The following GHR variants were observed in gnomAD, a reference collection of about 807,000 sequenced individuals.
GHR encodes the protein GH receptor.
A neutral mutation model predicts 67.1 loss-of-function variants in GHR; 35 were observed. The ratio of observed to expected loss-of-function variants is 0.52; its 90% confidence interval spans 0.40 to 0.69. The LOEUF (loss-of-function observed/expected upper bound fraction) is 0.69, where lower values mean the gene tolerates loss of function less well. Ranked by LOEUF, GHR falls within the 30% of genes least tolerant of loss-of-function variation. The pLI is 0.00. For missense variants in GHR, 792 were observed against 764.6 expected (o/e 1.04, Z -0.42); for synonymous variants, 272 against 269.1 (o/e 1.01, Z -0.10).
At chr5:42,426,958 G>T (rs1278590886) in intron 1 of GHR, among the ~76,000 whole-genome samples, 1 of 152,152 alleles carries the variant, frequency 6.6e-6, no homozygotes, top group Non-Finnish European at 1.5e-5. Flanking sequence ...TTCTAGGAAA[G>T]ATTCATTTCT....
chr5:42,496,397 G>T (rs1313988741), intron 1 of GHR, among the ~76,000 whole-genome samples: 2 of 151,898 alleles, frequency 1.3e-5, no homozygotes, highest in Non-Finnish European at 2.9e-5. Flanking sequence ...TTAAATCTTG[G>T]TGCAGCGTTA....
intron 1 of GHR, among the ~76,000 whole-genome samples, chr5:42,476,401 A>G (rs545216356): frequency 1.3e-5 from 2 of 149,862 alleles, no homozygotes; most frequent in Admixed American, 1.3e-4. Flanking sequence ...TTTGTTTTTT[A>G]GTAGAGACAG....
At chr5:42,481,848 T>A (rs1225402018) in intron 1 of GHR, among the ~76,000 whole-genome samples, 1 of 152,058 alleles carries the variant, frequency 6.6e-6, no homozygotes, top group Non-Finnish European at 1.5e-5. Flanking sequence ...GTAGCTCGGA[T>A]TAGTTTGATC....
At chr5:42,665,226 G>C (rs1486545391) in intron 3 of GHR, among the ~76,000 whole-genome samples, 2 of 152,132 alleles carry the variant, frequency 1.3e-5, no homozygotes, top group Non-Finnish European at 2.9e-5. Context: ...AATACCATTT[G>C]ACCCAGCCAT....
intron 2 of GHR, among the ~76,000 whole-genome samples, chr5:42,576,649 T>C (rs542825603): frequency 7.9e-5 from 12 of 152,310 alleles, no homozygotes; most frequent in Middle Eastern, 6.8e-3. Context: ...ATTTTAATAA[T>C]GACTACAGAA....
chr5:42,541,507 C>A (rs1162209413), intron 1 of GHR, among the ~76,000 whole-genome samples: 1 of 151,782 alleles, frequency 6.6e-6, no homozygotes, highest in Non-Finnish European at 1.5e-5. Flanking sequence ...GACTTTCAGA[C>A]CACTGTAAAT....
intron 3 of GHR, among the ~76,000 whole-genome samples, chr5:42,637,311 A>T (rs1460954544): frequency 6.6e-6 from 1 of 152,096 alleles, no homozygotes; most frequent in Non-Finnish European, 1.5e-5. Context: ...TTTTTTTTCA[A>T]CTCTTATTTT....
intron 1 of GHR, among the ~76,000 whole-genome samples, chr5:42,526,534 T>C (rs893267590): frequency 6.6e-6 from 1 of 152,250 alleles, no homozygotes; most frequent in Admixed American, 6.5e-5. Flanking sequence ...TAGCCTTCTA[T>C]TGGAAGAATA....
intron 1 of GHR, among the ~76,000 whole-genome samples, chr5:42,450,543 A>G (rs994642114): frequency 6.6e-6 from 1 of 152,004 alleles, no homozygotes; most frequent in African/African-American, 2.4e-5. Context: ...TGGTTTTTCA[A>G]TCAATTTTAT....
At chr5:42,520,541 T>G (rs1747427865) in intron 1 of GHR, among the ~76,000 whole-genome samples, 1 of 152,076 alleles carries the variant, frequency 6.6e-6, no homozygotes, top group Admixed American at 6.6e-5. Flanking sequence ...GACTGGAAAA[T>G]AAACTGGAAT....
chr5:42,556,825 G>A lies in GHR; in HGVS notation c.-11-9039G>A, dbSNP rs568977830. The stretch of plus-strand genomic sequence containing the variant: ...ACAGAATGCTTCGTTCTTTGAGAAA[G>A]TTCCACTCTGAATAGAATAACGGTG... On this transcript the variant is annotated intron_variant, in intron 1 of 9. Coordinates refer to ENST00000230882, the MANE Select transcript of GHR (RefSeq NM_000163.5). Among the ~76,000 whole-genome samples the A allele has an allele frequency of 2.6e-5, 4 of 152,268 alleles. No individual in the cohort carries two copies. In the South Asian group the frequency reaches 8.3e-4, roughly 32 times the overall value.
intron 3 of GHR, among the ~76,000 whole-genome samples, chr5:42,688,524 T>C (rs1367151087): frequency 6.6e-6 from 1 of 152,204 alleles, no homozygotes; most frequent in African/African-American, 2.4e-5. Flanking sequence ...ATATTAGTTG[T>C]TCTCCCTTTC....
At chr5:42,625,439 C>T (rs549824249) in intron 2 of GHR, among the ~76,000 whole-genome samples, 3 of 152,192 alleles carry the variant, frequency 2.0e-5, no homozygotes, top group African/African-American at 7.2e-5. Flanking sequence ...CGAAAAGAGT[C>T]AAACTCTCTA....
chr5:42,523,266 A>G (rs1747553933), intron 1 of GHR, among the ~76,000 whole-genome samples: 1 of 152,344 alleles, frequency 6.6e-6, no homozygotes, highest in South Asian at 2.1e-4. Context: ...AAATACCAGT[A>G]AGTCGTATAC....
chr5:42,655,849 A>G (rs1015651112), intron 3 of GHR, among the ~76,000 whole-genome samples: 21 of 152,180 alleles, frequency 1.4e-4, no homozygotes, highest in Admixed American at 1.0e-3. Context: ...ATAATTTCCT[A>G]TTTTGGAAGA....
intron 1 of GHR, among the ~76,000 whole-genome samples, chr5:42,464,287 A>G (rs1402316032): frequency 6.6e-6 from 1 of 152,132 alleles, no homozygotes; most frequent in East Asian, 1.9e-4. Flanking sequence ...TTACTTTCTG[A>G]CTCAAAAATT....
chr5:42,616,161 G>A (rs1300952066), intron 2 of GHR, among the ~76,000 whole-genome samples: 1 of 152,026 alleles, frequency 6.6e-6, no homozygotes, highest in East Asian at 1.9e-4. Context: ...CAGTGAGGTA[G>A]CATGATCTTA....
At position 42,456,732 on chromosome 5, in the gene GHR, C is replaced by T. The variant is rs1161377666; in HGVS notation, c.-12+32777C>T. Among the ~76,000 whole-genome samples, 4 of 152,094 alleles carry T rather than the reference C, an allele frequency of 2.6e-5. No individual in the cohort carries two copies. In the East Asian group the frequency reaches 5.8e-4, roughly 22 times the overall value. ...TCCAATTATTTGAATTGCTTATTTC[C>T]ACATCCAGAAAAGAGACGGTAAACA... On this transcript the variant is annotated intron_variant, in intron 1 of 9. Transcript: ENST00000230882.
At chr5:42,704,291 C>A (rs899481598) in intron 6 of GHR, among the ~76,000 whole-genome samples, 2 of 151,354 alleles carry the variant, frequency 1.3e-5, no homozygotes, top group African/African-American at 4.8e-5. Context: ...ACAAGTGCTT[C>A]TTCTGTATCT....
Sources: gnomAD v4.1 joint callset for allele counts (sites outside exome capture counted in the v4.1 genomes callset) on GRCh38, gnomAD v4.1.1 for gene constraint, MANE v1.5 for transcripts, NCBI Gene and HGNC (gene_info 2026-07-23, HGNC 2026-07-21) for gene names.